DRC10: variants seen among roughly 807,000 people sequenced by gnomAD.
DRC10 encodes dynein regulatory complex subunit 10, also known as IQ domain-containing protein D.
chr12:113,200,464 G>C, the DRC10 span: 8 of 859,808 alleles, frequency 9.3e-6, no homozygotes, highest in Non-Finnish European at 1.5e-5. Flanking sequence ...TTCCTGAGTA[G>C]CTGGTGCAGT....
At chr12:113,196,120 G>T in the DRC10 span, among the ~76,000 whole-genome samples, 1 of 152,136 alleles carries the variant, frequency 6.6e-6, no homozygotes, top group Non-Finnish European at 1.5e-5. Context: ...AAAGAACATG[G>T]GCTTGTGAGT....
the DRC10 span, among the ~76,000 whole-genome samples, chr12:113,205,762 G>A: frequency 1.3e-5 from 2 of 150,904 alleles, no homozygotes; most frequent in African/African-American, 2.4e-5. Flanking sequence ...GGTGGCGGGC[G>A]CCTGTAGTCC....
the DRC10 span, among the ~76,000 whole-genome samples, chr12:113,216,754 A>T: frequency 1.5e-4 from 23 of 152,314 alleles, no homozygotes; most frequent in African/African-American, 5.3e-4. Context: ...CAGTTTGCCA[A>T]CTGGGACTAG....
the DRC10 span, among the ~76,000 whole-genome samples, chr12:113,202,828 G>A: frequency 0.059 from 8,961 of 152,254 alleles, 361 homozygotes; most frequent in Middle Eastern, 0.068. Flanking sequence ...CAGCTCCGGT[G>A]TTTCCACTAC....
chr12:113,201,904 G>A, the DRC10 span, among the ~76,000 whole-genome samples: 1 of 152,206 alleles, frequency 6.6e-6, no homozygotes, highest in Admixed American at 6.5e-5. Context: ...AGCTCTCCCT[G>A]TAGACTCCCC....
At chr12:113,200,056 T>C in the DRC10 span, 1 of 253,448 alleles carries the variant, frequency 3.9e-6, no homozygotes, top group South Asian at 3.8e-5. Context: ...CGGTCAGAAA[T>C]GATATTTATT....
At chr12:113,203,777 ATTTTTTT>A in the DRC10 span, among the ~76,000 whole-genome samples, 126 of 96,966 alleles carry the variant, frequency 1.3e-3, no homozygotes, top group Admixed American at 4.3e-3. Flanking sequence ...TGCCCAGCTA[ATTTTTTT>A]TTTTTTTTTT....
chr12:113,220,172 C>A, the DRC10 span, among the ~76,000 whole-genome samples: 2 of 152,012 alleles, frequency 1.3e-5, no homozygotes, highest in African/African-American at 4.8e-5. Flanking sequence ...TCAGTAGGTA[C>A]AATGAGATCA....
chr12:113,209,205 C>T, the DRC10 span, among the ~76,000 whole-genome samples: 13 of 152,152 alleles, frequency 8.5e-5, no homozygotes, highest in South Asian at 2.1e-4. Context: ...TGAGCCACCA[C>T]GCCTGGCCAT....
chr12:113,209,880 C>T, the DRC10 span, among the ~76,000 whole-genome samples: 1 of 152,192 alleles, frequency 6.6e-6, no homozygotes, highest in Non-Finnish European at 1.5e-5. Context: ...AATCACAGCA[C>T]TGTGGGAGGC....
chr12:113,215,094 T>C, the DRC10 span, among the ~76,000 whole-genome samples: 1 of 152,178 alleles, frequency 6.6e-6, no homozygotes, highest in African/African-American at 2.4e-5. Context: ...CGGGACAGAT[T>C]TCTATGTTGC....
At chr12:113,220,067 T>G in the DRC10 span, among the ~76,000 whole-genome samples, 6 of 152,118 alleles carry the variant, frequency 3.9e-5, no homozygotes, top group Non-Finnish European at 8.8e-5. Flanking sequence ...CCAGGTGATC[T>G]GCTGGCCTCG....
chr12:113,210,625 A>T, the DRC10 span, among the ~76,000 whole-genome samples: 323 of 151,690 alleles, frequency 2.1e-3, 6 homozygotes, highest in African/African-American at 6.9e-3. Flanking sequence ...AAAAAAAAAA[A>T]AAAGAACACC....
the DRC10 span, chr12:113,208,172 G>A: frequency 1.3e-5 from 21 of 1,607,804 alleles, no homozygotes; most frequent in Non-Finnish European, 1.7e-5. Flanking sequence ...GCCATCTTGT[G>A]AGCAGCCCTC....
chr12:113,201,691 A>G, the DRC10 span, among the ~76,000 whole-genome samples: 4 of 152,208 alleles, frequency 2.6e-5, no homozygotes, highest in African/African-American at 7.2e-5. Flanking sequence ...AAGGCTTCTC[A>G]CTACACTAGA....
the DRC10 span, among the ~76,000 whole-genome samples, chr12:113,205,359 C>T: frequency 6.6e-6 from 1 of 151,598 alleles, no homozygotes; most frequent in East Asian, 1.9e-4. Flanking sequence ...ACGGTGAAAC[C>T]CCATCTCTAC....
the DRC10 span, among the ~76,000 whole-genome samples, chr12:113,213,685 G>A: frequency 6.3e-3 from 965 of 152,310 alleles, 4 homozygotes; most frequent in African/African-American, 0.023. Context: ...CTGGCCGGGC[G>A]CAGTGGCCCA....
At chr12:113,201,343 C>A in the DRC10 span, among the ~76,000 whole-genome samples, 1 of 152,352 alleles carries the variant, frequency 6.6e-6, no homozygotes, top group Admixed American at 6.5e-5. Context: ...GGTTGCCCAG[C>A]TGAACTGGGG....
the DRC10 span, chr12:113,200,259 G>T: frequency 2.0e-6 from 1 of 499,830 alleles, no homozygotes; most frequent in Non-Finnish European, 3.8e-6. Flanking sequence ...GACGATGTGG[G>T]TATTATCCCT....
Sources: gnomAD v4.1 joint callset for allele counts (sites outside exome capture counted in the v4.1 genomes callset) on GRCh38, gnomAD v4.1.1 for gene constraint, MANE v1.5 for transcripts, NCBI Gene and HGNC (gene_info 2026-07-23, HGNC 2026-07-21) for gene names.